The following HS6ST3 variants were observed in gnomAD, a reference collection of about 807,000 sequenced individuals.
HS6ST3 encodes the protein heparan-sulfate 6-O-sulfotransferase 3.
HS6ST3 carries 12 observed loss-of-function variants against 36.7 expected under a neutral mutation model. The observed-to-expected ratio is 0.33, with a 90% confidence interval of 0.21 to 0.53. The LOEUF (loss-of-function observed/expected upper bound fraction) is 0.53, where lower values mean the gene tolerates loss of function less well. HS6ST3 is among the 20% of genes least tolerant of loss of function. The pLI, the probability that HS6ST3 is intolerant of heterozygous loss-of-function variation, is 0.95. For synonymous variants in HS6ST3, 240 were observed against 257.5 expected (o/e 0.93, Z 0.65); for missense variants, 584 against 640.9 (o/e 0.91, Z 0.96).
chr13:96,158,191 T>A (rs1379311740), intron 1 of HS6ST3, among the ~76,000 whole-genome samples: 4 of 152,076 alleles, frequency 2.6e-5, no homozygotes, highest in Non-Finnish European at 5.9e-5. Context: ...GGGGGAGAAC[T>A]GTGGTGTGGT....
At chr13:96,674,456 G>A (rs1431040897) in intron 1 of HS6ST3, among the ~76,000 whole-genome samples, 1 of 152,016 alleles carries the variant, frequency 6.6e-6, no homozygotes, top group East Asian at 1.9e-4. Context: ...TCATATAGGT[G>A]GTCCTTCTCA....
intron 1 of HS6ST3, among the ~76,000 whole-genome samples, chr13:96,589,192 G>C (rs1045875740): frequency 2.0e-5 from 3 of 151,936 alleles, no homozygotes; most frequent in African/African-American, 7.2e-5. Context: ...TTGTTGATTA[G>C]AGATTTTTTA....
intron 1 of HS6ST3, among the ~76,000 whole-genome samples, chr13:96,481,209 T>A (rs1164211745): frequency 6.6e-6 from 1 of 152,156 alleles, no homozygotes; most frequent in African/African-American, 2.4e-5. Context: ...CTGTCTAAAA[T>A]CAAAGTGCAC....
chr13:96,120,816 C>T (rs1336382690), intron 1 of HS6ST3, among the ~76,000 whole-genome samples: 2 of 152,092 alleles, frequency 1.3e-5, no homozygotes, highest in African/African-American at 4.8e-5. Context: ...CAAACAGTGA[C>T]AAATCAGTTA....
At chr13:96,230,142 G>A (rs2054500738) in intron 1 of HS6ST3, among the ~76,000 whole-genome samples, 1 of 152,126 alleles carries the variant, frequency 6.6e-6, no homozygotes, top group Non-Finnish European at 1.5e-5. Context: ...TTTATCCTGT[G>A]GGTAATGGTG....
At chr13:96,374,742 C>T (rs1304730895) in intron 1 of HS6ST3, among the ~76,000 whole-genome samples, 4 of 152,168 alleles carry the variant, frequency 2.6e-5, no homozygotes, top group Admixed American at 2.6e-4. Context: ...GGAGTTCTGA[C>T]TTCCTGCCTC....
intron 1 of HS6ST3, among the ~76,000 whole-genome samples, chr13:96,523,637 CT>C (rs1408829202): frequency 1.3e-5 from 2 of 151,940 alleles, no homozygotes; most frequent in Non-Finnish European, 2.9e-5. Context: ...CACTGATACC[CT>C]TTCTTCCACT....
intron 1 of HS6ST3, among the ~76,000 whole-genome samples, chr13:96,628,046 A>T (rs1276776125): frequency 6.6e-6 from 1 of 151,532 alleles, no homozygotes; most frequent in African/African-American, 2.4e-5. Context: ...TGTTTATTTA[A>T]TGTGCTTTAT....
intron 1 of HS6ST3, among the ~76,000 whole-genome samples, chr13:96,537,166 A>G (rs750485543): frequency 1.3e-5 from 2 of 152,162 alleles, no homozygotes; most frequent in African/African-American, 4.8e-5. Flanking sequence ...ATCATGGTGG[A>G]TGGCGAAAGG....
chr13:96,752,823 G>A (rs758717270), intron 1 of HS6ST3, among the ~76,000 whole-genome samples: 1 of 151,854 alleles, frequency 6.6e-6, no homozygotes, highest in Non-Finnish European at 1.5e-5. Context: ...ATTCTTTTAT[G>A]GTTTGTTTGT....
At chr13:96,349,993 T>C (rs112219858) in intron 1 of HS6ST3, among the ~76,000 whole-genome samples, 2,568 of 151,658 alleles carry the variant, frequency 0.017, 27 homozygotes, top group East Asian at 0.055. Context: ...ATTGGAACAA[T>C]CTTCAGAAGC....
intron 1 of HS6ST3, among the ~76,000 whole-genome samples, chr13:96,461,752 T>C (rs1160557338): frequency 6.6e-6 from 1 of 152,086 alleles, no homozygotes; most frequent in Non-Finnish European, 1.5e-5. Context: ...CACCAGATAC[T>C]TGGGGAACGG....
At chr13:96,652,175 C>CAT (rs985240896) in intron 1 of HS6ST3, among the ~76,000 whole-genome samples, 1 of 151,898 alleles carries the variant, frequency 6.6e-6, no homozygotes. Flanking sequence ...ATATATCACA[C>CAT]ATATATATAA....
At chr13:96,679,099 G>A (rs935623992) in intron 1 of HS6ST3, among the ~76,000 whole-genome samples, 1 of 148,880 alleles carries the variant, frequency 6.7e-6, no homozygotes, top group South Asian at 2.2e-4. Flanking sequence ...TCTGTTCACT[G>A]CGTCACCACA....
At chr13:96,166,897 C>T (rs866920586) in intron 1 of HS6ST3, among the ~76,000 whole-genome samples, 2 of 152,106 alleles carry the variant, frequency 1.3e-5, no homozygotes, top group Non-Finnish European at 2.9e-5. Flanking sequence ...TGAGTTCTCA[C>T]TAAATCTGAT....
chr13:96,692,039 T>C (rs1874977451), intron 1 of HS6ST3, among the ~76,000 whole-genome samples: 1 of 152,120 alleles, frequency 6.6e-6, no homozygotes, highest in Non-Finnish European at 1.5e-5. Context: ...TTATTATGAC[T>C]CAGAGAAAGA....
chr13:96,147,629 C>T lies in HS6ST3; in HGVS notation c.707+56060C>T, dbSNP rs947677253. ...GTGCCCATTGGGTGAATTGGCATGT[C>T]TACACAGTCCCAGTCTGAGTGAGTG... is the stretch of plus-strand genomic sequence containing the variant. On this transcript the variant is annotated intron_variant, in intron 1 of 1. Coordinates refer to ENST00000376705, the MANE Select transcript of HS6ST3 (RefSeq NM_153456.4). 2.0e-5 allele frequency among the ~76,000 whole-genome samples: 3 copies of T among 152,198 alleles called. No homozygotes were observed. In the South Asian group the frequency reaches 6.2e-4, roughly 31 times the overall value.
At position 96,410,315 on chromosome 13, in the gene HS6ST3, CA is replaced by C. The variant is rs571271922; in HGVS notation, c.707+318749del. Among the ~76,000 whole-genome samples, 13 of 151,698 alleles carry C rather than the reference CA, an allele frequency of 8.6e-5. No homozygotes were observed. The East Asian group carries it at 2.5e-3, about 29-fold the overall frequency. On this transcript the variant is annotated intron_variant, in intron 1 of 1. Transcript: ENST00000376705. ...TTTTTATAAATCAATAGGAAAAATA[CA>C]AATTATGTAATTAAAATAGGCAGAG...
intron 1 of HS6ST3, among the ~76,000 whole-genome samples, chr13:96,560,065 C>T (rs2056256139): frequency 1.3e-5 from 2 of 152,122 alleles, no homozygotes; most frequent in Non-Finnish European, 2.9e-5. Context: ...TCAGGCCCTC[C>T]ACAGGCCTAT....
Sources: allele counts gnomAD v4.1 joint callset (sites outside exome capture counted in the v4.1 genomes callset), GRCh38; gene constraint gnomAD v4.1.1; transcripts MANE v1.5; gene names NCBI Gene and HGNC (gene_info 2026-07-23, HGNC 2026-07-21).